The following GIMAP4 variants were observed in gnomAD, a reference collection of about 807,000 sequenced individuals.
The protein encoded by GIMAP4 is GTPase IMAP family member 4.
A neutral mutation model predicts 10.8 loss-of-function variants in GIMAP4; 12 were observed. That is an observed-to-expected ratio of 1.11 (90% confidence interval 0.71 to 1.81). The LOEUF is 1.81. Ranked by LOEUF, GIMAP4 falls within the 40% of genes most tolerant of loss-of-function variation. The pLI is 0.00. For missense variants in GIMAP4, 412 were observed against 404.6 expected (o/e 1.02, Z -0.16); for synonymous variants, 149 against 147.2 (o/e 1.01, Z -0.09).
Position 150,573,224 on chromosome 7 carries a change from G to A in GIMAP4, c.*164G>A. 7.1e-6 allele frequency: 4 copies of A among 560,656 alleles called. No individual in the cohort carries two copies. The highest frequency in any genetic ancestry group is 3.4e-5 in the Admixed American group (1 of 29,102). 34.7% of individuals were successfully genotyped at this position (560,656 alleles called of 1,614,324 possible). A position where few individuals can be genotyped will look rare whatever the true frequency, so the allele number is the denominator to read the frequency against. On this transcript the variant is annotated 3_prime_UTR_variant, in exon 3 of 3. Transcript: ENST00000255945. ...ATGTTTGATTGACTTAACAAGAGAG[G>A]GACAAATTTTCAATTTGTGAAACTC...
chr7:150,573,480 A>G lies in GIMAP4; in HGVS notation c.*420A>G, dbSNP rs1795763230. On this transcript the variant is annotated 3_prime_UTR_variant, in exon 3 of 3. Transcript: ENST00000255945. ...TCATCTTACCCATGTGGTTTTTGAGAAAGAAAGATCAATTCTTTGTTTGCA... is the reference window on the plus strand; with the variant it reads ...TCATCTTACCCATGTGGTTTTTGAGGAAGAAAGATCAATTCTTTGTTTGCA... The G allele has an allele frequency of 6.4e-6, 1 of 155,626 alleles. No individual in the cohort carries two copies. Among genetic ancestry groups the G allele is most frequent in the Admixed American group, 6.4e-5 (1 of 15,724 alleles). The allele number at this position is 155,626 out of a possible 1,614,324, so 9.6% of individuals were successfully genotyped here. A position where few individuals can be genotyped will look rare whatever the true frequency, so the allele number is the denominator to read the frequency against.
At chr7:150,570,380 C>A (rs1314755505) in intron 2 of GIMAP4, among the ~76,000 whole-genome samples, 1 of 152,144 alleles carries the variant, frequency 6.6e-6, no homozygotes, top group Admixed American at 6.5e-5. Flanking sequence ...ACCCTGGTAT[C>A]TAATTTCCCA....
At position 150,572,485 on chromosome 7, in the gene GIMAP4, A is replaced by C; in HGVS notation, c.415A>C (p.Lys139Gln). Residue 139 changes from lysine to glutamine, a missense_variant, in exon 3 of 3, where the codon AAA becomes CAA. Transcript: ENST00000255945. ...EEHKATEKIL[K>Q]MFGERARSFM... is the part of the protein sequence containing the mutation. The stretch of plus-strand genomic sequence containing the variant: ...GCACAAAGCCACAGAGAAGATCCTG[A>C]AAATGTTTGGAGAGAGGGCTAGAAG... 1 of 1,614,174 alleles carries C rather than the reference A, an allele frequency of 6.2e-7. No homozygotes were observed. The highest frequency in any genetic ancestry group is 8.5e-7 in the Non-Finnish European group (1 of 1,180,004).
intron 1 of GIMAP4, among the ~76,000 whole-genome samples, chr7:150,569,290 A>T (rs1795700468): frequency 6.6e-6 from 1 of 152,140 alleles, no homozygotes; most frequent in Non-Finnish European, 1.5e-5. Context: ...AGATGGAGAG[A>T]AATGGGTAAT....
At position 150,572,832 on chromosome 7, in the gene GIMAP4, GA is replaced by G; in HGVS notation, c.763del (p.Ile255Ter). The G allele has an allele frequency of 6.2e-7, 1 of 1,613,918 alleles. No individual in the cohort carries two copies. Among genetic ancestry groups the G allele is most frequent in the Non-Finnish European group, 8.5e-7 (1 of 1,179,896 alleles). ...TGGAGCTGGAGAGAGAGAAAGCGCG[GA>G]TAAGAGAGGAGTATGAAGAGAAAAT... Reference protein sequence around the residue: ...RVELEREKARIREEYEEKIRK... With the variant: ...RVELEREKARXREEYEEKIRK... On this transcript the variant is annotated frameshift_variant, in exon 3 of 3. Coordinates refer to ENST00000255945, the MANE Select transcript of GIMAP4 (RefSeq NM_018326.3). LOFTEE classifies it low-confidence loss of function (END_TRUNC).
In GIMAP4 at chr7:150,572,499, G is replaced by C. The variant is rs1795744448; in HGVS notation, c.429G>C (p.Glu143Asp). Residue 143 changes from glutamate to aspartate, a missense_variant, in exon 3 of 3, where the codon GAG (glutamate) becomes GAC (aspartate). Coordinates refer to ENST00000255945, the MANE Select transcript of GIMAP4 (RefSeq NM_018326.3). ...ATEKILKMFG[E>D]RARSFMILIF... ...AGAAGATCCTGAAAATGTTTGGAGA[G>C]AGGGCTAGAAGTTTCATGATTCTCA... is the stretch of plus-strand genomic sequence containing the variant. 6.2e-7 allele frequency: 1 copy of C among 1,614,188 alleles called. No homozygotes were observed. Among genetic ancestry groups the C allele is most frequent in the Admixed American group, 1.7e-5 (1 of 60,036 alleles).
Position 150,570,027 on chromosome 7 carries a change from G to T in GIMAP4, c.58+68G>T, listed in dbSNP as rs201630033. Reference sequence around the variant, plus strand: ...GTTAGCAGGTGGGGGTGGGGGATTTGGGGGGGAATAGGGGTGGGGTTCTCC... The same window carrying T: ...GTTAGCAGGTGGGGGTGGGGGATTTTGGGGGGAATAGGGGTGGGGTTCTCC... On this transcript the variant is annotated intron_variant, in intron 2 of 2. Transcript: ENST00000255945. 6.9e-6 allele frequency: 6 copies of T among 864,252 alleles called. No individual in the cohort carries two copies. The East Asian group carries it at 1.6e-4, about 23-fold the overall frequency. The allele number at this position is 864,252 out of a possible 1,614,324, so 53.5% of individuals were successfully genotyped here.
intron 1 of GIMAP4, among the ~76,000 whole-genome samples, chr7:150,568,135 C>T (rs567348876): frequency 6.6e-5 from 10 of 152,268 alleles, no homozygotes; most frequent in Admixed American, 5.9e-4. Flanking sequence ...AGCAGAGCAG[C>T]ATTAAAGAGC....
At chr7:150,569,070 G>GTCCT (rs1795697641) in intron 1 of GIMAP4, among the ~76,000 whole-genome samples, 4 of 152,156 alleles carry the variant, frequency 2.6e-5, no homozygotes, top group Non-Finnish European at 5.9e-5. Flanking sequence ...AGAGGAGAGA[G>GTCCT]CTGATCACAC....
chr7:150,571,987 G>A, intron 2 of GIMAP4, 142 bp from the exon 3 acceptor site: 4 of 618,398 alleles, frequency 6.5e-6, no homozygotes, highest in South Asian at 6.1e-5. Flanking sequence ...AGGCCTACAG[G>A]AATCTCTGAG....
rs938362249 is a variant in GIMAP4, at chr7:150,568,883, T to C, written c.-14-1005T>C. On this transcript the variant is annotated intron_variant, in intron 1 of 2. Coordinates refer to ENST00000255945, the MANE Select transcript of GIMAP4 (RefSeq NM_018326.3). ...AACAGAGGGTGTTGCTGGTAGACAG[T>C]GGTGTTGGGGAAGACTCTCTGGAGA... Among the ~76,000 whole-genome samples the C allele has an allele frequency of 3.3e-5, 5 of 151,962 alleles. No individual in the cohort carries two copies. In the South Asian group the frequency reaches 1.0e-3, roughly 32 times the overall value.
chr7:150,573,253 A>G lies in GIMAP4; in HGVS notation c.*193A>G, dbSNP rs895940530. 1.8e-5 allele frequency: 10 copies of G among 549,306 alleles called. No individual in the cohort carries two copies. Among genetic ancestry groups the G allele is most frequent in the Middle Eastern group, 4.8e-4 (1 of 2,090 alleles). 34.0% of individuals were successfully genotyped at this position (549,306 alleles called of 1,614,324 possible). On this transcript the variant is annotated 3_prime_UTR_variant, in exon 3 of 3. Transcript: ENST00000255945. ...AAATTTTCAATTTGTGAAACTCCAA[A>G]GCAGAAAGTATTGGTGCTTGCTACC...
At chr7:150,570,121 C>T (rs1027365350) in intron 2 of GIMAP4, 162 bp downstream of exon 2, 2 of 632,670 alleles carry the variant, frequency 3.2e-6, no homozygotes, top group Admixed American at 2.5e-5. Flanking sequence ...ATTTTCTCCT[C>T]ATTTGACCTG....
intron 2 of GIMAP4, 80 bp from the exon 3 acceptor site, chr7:150,572,049 C>A: frequency 1.1e-6 from 1 of 872,142 alleles, no homozygotes; most frequent in Non-Finnish European, 1.8e-6. Flanking sequence ...GAGGAGGGCA[C>A]TGGGGGTGAG....
At chr7:150,569,156 A>C (rs1383452109) in intron 1 of GIMAP4, among the ~76,000 whole-genome samples, 2 of 152,202 alleles carry the variant, frequency 1.3e-5, no homozygotes, top group Non-Finnish European at 2.9e-5. Context: ...TAAACAAGAA[A>C]AAATATCAAA....
chr7:150,568,507 T>C (rs1327252025), intron 1 of GIMAP4, among the ~76,000 whole-genome samples: 4 of 152,218 alleles, frequency 2.6e-5, no homozygotes, highest in Non-Finnish European at 1.5e-5. Flanking sequence ...AAAATGTTTG[T>C]AGGTAGCAAT....
Position 150,572,881 on chromosome 7 carries a change from G to C in GIMAP4, c.811G>C (p.Glu271Gln), listed in dbSNP as rs779878564. 3.7e-5 allele frequency: 59 copies of C among 1,613,888 alleles called. No individual in the cohort carries two copies. Among genetic ancestry groups the C allele is most frequent in the Non-Finnish European group, 4.8e-5 (57 of 1,179,980 alleles). Residue 271 changes from glutamate to glutamine, a missense_variant, in exon 3 of 3, where the codon GAG becomes CAG. Glu to Gln is a conservative substitution (Grantham distance 29). Coordinates refer to ENST00000255945, the MANE Select transcript of GIMAP4 (RefSeq NM_018326.3). ...EKIRKLEDKV[E>Q]QEKRKKQMEK... is the part of the protein sequence containing the mutation. ...AATCAGAAAGCTGGAAGATAAAGTG[G>C]AGCAGGAAAAGAGAAAGAAGCAAAT... is the stretch of plus-strand genomic sequence containing the variant.
In GIMAP4 at chr7:150,573,012, G is replaced by A. The variant is rs764010824; in HGVS notation, c.942G>A (p.Ala314=). Residue 314 remains alanine, a synonymous_variant, in exon 3 of 3, where the codon GCG becomes GCA. Transcript: ENST00000255945. The part of the protein sequence containing the change: ...KDGILELIMT[A]LQIASFILLR... The stretch of plus-strand genomic sequence containing the variant: ...GGATACTTGAATTAATCATGACAGC[G>A]TTACAGATTGCTTCCTTTATTTTGT... 14 of 1,608,900 alleles carry A rather than the reference G, an allele frequency of 8.7e-6. No individual in the cohort carries two copies. The South Asian group carries it at 1.2e-4, about 14-fold the overall frequency.
At chr7:150,569,842 G>A (rs540804297) in intron 1 of GIMAP4, 46 bp from the exon 2 acceptor site, 1 of 867,152 alleles carries the variant, frequency 1.2e-6, no homozygotes, top group Admixed American at 1.7e-5. Flanking sequence ...GATTCTAGTT[G>A]CTTCCATTTC....
Sources: gnomAD v4.1 joint callset for allele counts (sites outside exome capture counted in the v4.1 genomes callset) on GRCh38, gnomAD v4.1.1 for gene constraint, MANE v1.5 for transcripts, NCBI Gene and HGNC (gene_info 2026-07-23, HGNC 2026-07-21) for gene names.